PIGF: variants seen among roughly 807,000 people sequenced by gnomAD.
The protein encoded by PIGF is phosphatidylinositol glycan anchor biosynthesis class F, also known as GPI ethanolamine phosphate transferase, stabilizing subunit.
PIGF carries 23 observed loss-of-function variants against 26.0 expected under a neutral mutation model. The ratio of observed to expected loss-of-function variants is 0.88; its 90% CI spans 0.64 to 1.25. The LOEUF is 1.25. Among genes scored for constraint, PIGF ranks in the 50% most tolerant of loss-of-function variants. The pLI is 0.00. For missense variants in PIGF, 278 were observed against 249.9 expected (o/e 1.11, Z -0.76); for synonymous variants, 93 against 92.6 (o/e 1.00, Z -0.03).
intron 1 of PIGF, 168 bp from the exon 2 acceptor site, chr2:46,615,353 C>G (rs985308175): frequency 4.4e-5 from 21 of 473,724 alleles, no homozygotes; most frequent in Non-Finnish European, 7.2e-5. Flanking sequence ...ACTTAGCTTT[C>G]TATTCTACCT....
At chr2:46,591,835 T>C (rs1168060200) in intron 5 of PIGF, 1 of 1,301,960 alleles carries the variant, frequency 7.7e-7, no homozygotes, top group Non-Finnish European at 1.0e-6. Flanking sequence ...ATCAGCTTTA[T>C]CTTATTGTGA....
Position 46,598,575 on chromosome 2 carries a change from G to A in PIGF, c.438-5992C>T, listed in dbSNP as rs561906249. On this transcript the variant is annotated intron_variant, in intron 4 of 5. Coordinates refer to ENST00000281382, the MANE Select transcript of PIGF (RefSeq NM_002643.4). ...TTTTAGCTCATCAGCTATCGTGAGTGTTAATGTATTGCATGTGTGGCTCAA... is the reference window on the plus strand; with the variant it reads ...TTTTAGCTCATCAGCTATCGTGAGTATTAATGTATTGCATGTGTGGCTCAA... 2.2e-5 allele frequency among the ~76,000 whole-genome samples: 3 copies of A among 133,336 alleles called. No individual in the cohort carries two copies. In the South Asian group the frequency reaches 7.0e-4, roughly 31 times the overall value. 87.5% of individuals were successfully genotyped at this position (133,336 alleles called of 152,430 possible).
intron 4 of PIGF, among the ~76,000 whole-genome samples, chr2:46,609,509 T>C (rs978951409): frequency 1.3e-5 from 2 of 152,234 alleles, no homozygotes; most frequent in African/African-American, 4.8e-5. Context: ...CACAAGGGGC[T>C]TCACTTTTAG....
chr2:46,599,623 T>C (rs1403321362), intron 4 of PIGF, among the ~76,000 whole-genome samples: 2 of 152,216 alleles, frequency 1.3e-5, no homozygotes, highest in Non-Finnish European at 2.9e-5. Context: ...GCATTCTCAA[T>C]TTATTTCACT....
chr2:46,610,874 G>A (rs1314211457), intron 4 of PIGF, among the ~76,000 whole-genome samples: 1 of 152,098 alleles, frequency 6.6e-6, no homozygotes, highest in African/African-American at 2.4e-5. Context: ...AATTTATGAA[G>A]CCAAGCTACT....
At chr2:46,597,331 A>G (rs574546693) in intron 4 of PIGF, among the ~76,000 whole-genome samples, 1 of 152,246 alleles carries the variant, frequency 6.6e-6, no homozygotes, top group East Asian at 1.9e-4. Flanking sequence ...TGGAAAATAG[A>G]TGCTTAGAGA....
At chr2:46,609,996 T>G (rs1193621095) in intron 4 of PIGF, among the ~76,000 whole-genome samples, 1 of 152,202 alleles carries the variant, frequency 6.6e-6, no homozygotes, top group African/African-American at 2.4e-5. Context: ...TAAAAAACAG[T>G]ATCTGATCTG....
At chr2:46,601,626 C>A (rs1670057283) in intron 4 of PIGF, among the ~76,000 whole-genome samples, 1 of 152,180 alleles carries the variant, frequency 6.6e-6, no homozygotes, top group African/African-American at 2.4e-5. Context: ...AATATTAAAA[C>A]AAATGCCTCT....
chr2:46,603,609 G>A (rs1264449910), intron 4 of PIGF, among the ~76,000 whole-genome samples: 1 of 152,006 alleles, frequency 6.6e-6, no homozygotes, highest in Non-Finnish European at 1.5e-5. Context: ...ACCGGGGAAA[G>A]AGCAGTCTCT....
rs765834479 is a variant in PIGF, at chr2:46,615,002, T to G, written c.163A>C (p.Asn55His). 6.2e-7 allele frequency: 1 copy of G among 1,608,644 alleles called. No homozygotes were observed. The highest frequency in any genetic ancestry group is 1.3e-5 in the African/African-American group (1 of 74,918). The change falls in exon 2 of 6, where the codon AAT (asparagine) becomes CAT (histidine). Residue 55 changes from asparagine to histidine, a missense_variant. Transcript: ENST00000281382. Reference sequence around the variant, plus strand: ...TTCACTACTAAATATAGTACTAGATTGACAGCAGTTACAAAACCAGAACAG... The same window carrying G: ...TTCACTACTAAATATAGTACTAGATGGACAGCAGTTACAAAACCAGAACAG... ...CICSGFVTAV[N>H]LVLYLVVKPN...
At chr2:46,615,819 C>A (rs980253114) in intron 1 of PIGF, 1 of 152,026 alleles carries the variant, frequency 6.6e-6, no homozygotes, top group Non-Finnish European at 1.5e-5. Flanking sequence ...AAGATGACAA[C>A]GTCTGTTACA....
chr2:46,592,359 G>A, intron 5 of PIGF, 116 bp downstream of exon 5: 2 of 646,826 alleles, frequency 3.1e-6, no homozygotes, highest in Non-Finnish European at 2.8e-6. Flanking sequence ...GATAGAAGTG[G>A]TATCCCTACT....
intron 4 of PIGF, among the ~76,000 whole-genome samples, chr2:46,604,970 A>T (rs576582480): frequency 6.6e-6 from 1 of 152,182 alleles, no homozygotes; most frequent in East Asian, 1.9e-4. Context: ...TGTACTCCAG[A>T]AATGTATATA....
chr2:46,614,051 T>C (rs972885290), intron 2 of PIGF: 4 of 331,986 alleles, frequency 1.2e-5, no homozygotes, highest in East Asian at 6.8e-5. Flanking sequence ...TCTGTTTCCA[T>C]GGTAATATAG....
In PIGF at chr2:46,589,833, T is replaced by C. The variant is rs1274012570; in HGVS notation, c.546+2642A>G. On this transcript the variant is annotated intron_variant, in intron 5 of 5. Transcript: ENST00000281382. This position sits in a 1 kb window ranked among gnomAD's most constrained non-coding sequence, Gnocchi z 4.7. ...AGTTAGAATTATTAAAAAATAACAA[T>C]AACAAAAAAACAAACAACCTTGTTT... 6.6e-6 allele frequency among the ~76,000 whole-genome samples: 1 copy of C among 150,948 alleles called. No homozygotes were observed. The highest frequency in any genetic ancestry group is 6.6e-5 in the Admixed American group (1 of 15,158).
chr2:46,598,377 T>A lies in PIGF; in HGVS notation c.438-5794A>T, dbSNP rs185459169. Among the ~76,000 whole-genome samples the A allele has an allele frequency of 1.6e-4, 25 of 152,296 alleles. No homozygotes were observed. In the East Asian group the frequency reaches 4.6e-3, roughly 28 times the overall value. On this transcript the variant is annotated intron_variant, in intron 4 of 5. Coordinates refer to ENST00000281382, the MANE Select transcript of PIGF (RefSeq NM_002643.4). ...ACTTCTCATTCTACTTAAAACACCA[T>A]GTATGTAATGTCCAGACTAGGCAAA... is the stretch of plus-strand genomic sequence containing the variant.
intron 4 of PIGF, among the ~76,000 whole-genome samples, chr2:46,594,002 C>G (rs1669801882): frequency 6.6e-6 from 1 of 152,192 alleles, no homozygotes; most frequent in Non-Finnish European, 1.5e-5. Flanking sequence ...CGGGCTGGAG[C>G]CAATCACATA....
chr2:46,586,668 G>A (rs1258723234), intron 5 of PIGF, among the ~76,000 whole-genome samples: 1 of 152,174 alleles, frequency 6.6e-6, no homozygotes, highest in Non-Finnish European at 1.5e-5. Flanking sequence ...TCACAAATTT[G>A]CATTTGCATG....
In PIGF at chr2:46,615,199, A is replaced by G. The variant is rs1364679255; in HGVS notation, c.-21-14T>C. 4 of 1,018,902 alleles carry G rather than the reference A, an allele frequency of 3.9e-6. No homozygotes were observed. Among genetic ancestry groups the G allele is most frequent in the East Asian group, 2.4e-5 (1 of 42,052 alleles). 63.1% of individuals were successfully genotyped at this position (1,018,902 alleles called of 1,614,324 possible). A position where few individuals can be genotyped will look rare whatever the true frequency, so the allele number is the denominator to read the frequency against. On this transcript the variant is annotated splice_polypyrimidine_tract_variant and intron_variant, in intron 1 of 5. Coordinates refer to ENST00000281382, the MANE Select transcript of PIGF (RefSeq NM_002643.4). ...TTGGATGGCTAGCTAACAAAAAACA[A>G]GAAAAGAAGAGCATATGCAATAACG...
Sources: allele counts gnomAD v4.1 joint callset (sites outside exome capture counted in the v4.1 genomes callset), GRCh38; gene constraint gnomAD v4.1.1; non-coding constraint Gnocchi (gnomAD v3.1); transcripts MANE v1.5; gene names NCBI Gene and HGNC (gene_info 2026-07-23, HGNC 2026-07-21).